The following TAF1 variants were observed in gnomAD, a reference collection of about 807,000 sequenced individuals.
TAF1 encodes TATA-box binding protein associated factor 1.
TAF1 carries 2 observed loss-of-function variants against 138.5 expected under a neutral mutation model. The ratio of observed to expected loss-of-function variants is 0.01; its 90% CI spans 0.01 to 0.05. The LOEUF (loss-of-function observed/expected upper bound fraction) is 0.05. TAF1 is among the 10% of genes least tolerant of loss of function. The probability of loss-of-function intolerance (pLI) is 1.00; values close to 1 mark genes in which losing one functional copy is unlikely to be tolerated. For synonymous variants in TAF1, 437 were observed against 503.2 expected (o/e 0.87, Z 1.76); for missense variants, 709 against 1,478.0 (o/e 0.48, Z 8.53).
chrX:71,447,683 C>T (rs2037758850), intron 32 of TAF1, among the ~76,000 whole-genome samples: 1 of 102,030 alleles, frequency 9.8e-6, no homozygotes, highest in South Asian at 4.6e-4. Context: ...GGTGACAGAG[C>T]GAGACACTGT....
chrX:71,472,725 C>T (rs1242815251), intron 13 of TAF1, among the ~76,000 whole-genome samples: 3 of 111,124 alleles, frequency 2.7e-5, no homozygotes, highest in African/African-American at 9.8e-5. Context: ...AGTGAGACTG[C>T]ATCTCAAAAA....
At chrX:71,396,073 C>T (rs1464769227) in intron 22 of TAF1, among the ~76,000 whole-genome samples, 1 of 107,380 alleles carries the variant, frequency 9.3e-6, no homozygotes, top group Admixed American at 1.0e-4. Context: ...CGCTTGAACC[C>T]GGGAAGCAGA....
chrX:71,379,690 C>G (rs1218933290), intron 8 of TAF1, among the ~76,000 whole-genome samples: 1 of 107,019 alleles, frequency 9.3e-6, no homozygotes, highest in Non-Finnish European at 1.9e-5. Flanking sequence ...GCAATCTCTC[C>G]CTCCTGGGCT....
intron 13 of TAF1, among the ~76,000 whole-genome samples, chrX:71,483,780 CTATATA>C (rs1556022684): frequency 2.7e-5 from 1 of 37,575 alleles, no homozygotes; most frequent in African/African-American, 1.3e-4. Context: ...CTCTCTCTCT[CTATATA>C]TATATATATA....
chrX:71,392,490 T>G, intron 18 of TAF1, 79 bp from the exon 19 acceptor site: 1 of 1,041,930 alleles, frequency 9.6e-7, no homozygotes, highest in Non-Finnish European at 1.3e-6. Context: ...TAGTTTGTAA[T>G]TATTCTACTC....
intron 13 of TAF1, among the ~76,000 whole-genome samples, chrX:71,490,519 C>T (rs1027224535): frequency 1.4e-4 from 15 of 109,993 alleles, no homozygotes; most frequent in Admixed American, 7.8e-4. Flanking sequence ...CTCCGCCTCC[C>T]GGGTTCATGC....
intron 13 of TAF1, among the ~76,000 whole-genome samples, chrX:71,483,774 C>CTA (rs1214664557): frequency 6.6e-3 from 461 of 70,229 alleles, no homozygotes; most frequent in Middle Eastern, 0.015. Context: ...CTCTCTCTCT[C>CTA]TCTCTCTATA....
intron 13 of TAF1, among the ~76,000 whole-genome samples, chrX:71,506,219 A>AAT (rs2039622328): frequency 9.3e-6 from 1 of 107,071 alleles, no homozygotes; most frequent in African/African-American, 3.4e-5. Context: ...TAAATAAATA[A>AAT]AAATAAATAA....
intron 29 of TAF1, among the ~76,000 whole-genome samples, chrX:71,421,664 A>G (rs1316064750): frequency 8.9e-6 from 1 of 112,087 alleles, no homozygotes; most frequent in Non-Finnish European, 1.9e-5. Context: ...GGCAAAGGAA[A>G]GTGAGTTTCC....
chrX:71,375,144 G>GATC, intron 3 of TAF1, 23 bp from the exon 4 acceptor site: 2 of 1,204,284 alleles, frequency 1.7e-6, no homozygotes, highest in Non-Finnish European at 2.2e-6. Flanking sequence ...ATATTGAGGA[G>GATC]ATCACCTTCT....
chrX:71,380,314 A>G (rs908031633), intron 8 of TAF1, among the ~76,000 whole-genome samples: 7 of 111,908 alleles, frequency 6.3e-5, no homozygotes, highest in Non-Finnish European at 1.3e-4. Context: ...TCGGTCTCCC[A>G]AAGTGCTGAG....
At chrX:71,389,476 A>G (rs374290444) in intron 17 of TAF1, 109 bp from the exon 18 acceptor site, 3 of 584,490 alleles carry the variant, frequency 5.1e-6, no homozygotes, top group African/African-American at 4.7e-5. Flanking sequence ...TATGGAATCC[A>G]TCTATGCAAA....
Position 71,393,224 on chromosome X carries a change from TTGTGTGTGTGTG to T in TAF1, c.3052-47_3052-36del, listed in dbSNP as rs201372159. On this transcript the variant is annotated intron_variant, in intron 20 of 37. Coordinates refer to ENST00000423759, the MANE Select transcript of TAF1 (RefSeq NM_004606.5). ...TTGTCCTTTGAAATCCCTGAATGAT[TTGTGTGTGTGTG>T]TGTGTGTGTGTGTGTGTGTGTGTGT... The T allele has an allele frequency of 2.5e-4, 236 of 955,756 alleles. 1 individual carries two copies. The East Asian group carries it at 4.1e-3, about 17-fold the overall frequency. The allele number at this position is 955,756 out of a possible 1,213,427, so 78.8% of individuals were successfully genotyped here.
intron 32 of TAF1, among the ~76,000 whole-genome samples, chrX:71,446,904 C>T (rs2037719218): frequency 9.0e-6 from 1 of 111,498 alleles, no homozygotes; most frequent in African/African-American, 3.3e-5. Context: ...TACATTTGAT[C>T]CTCATTCTAC....
intron 25 of TAF1, among the ~76,000 whole-genome samples, chrX:71,405,164 A>G (rs1401494637): frequency 2.7e-5 from 3 of 109,181 alleles, no homozygotes; most frequent in African/African-American, 6.7e-5. Context: ...TCACCAGGTT[A>G]CCCAGGCTGG....
chrX:71,524,019 CTTTTTTTTTTT>C (rs397895424), intron 13 of TAF1, among the ~76,000 whole-genome samples: 1 of 76,376 alleles, frequency 1.3e-5, no homozygotes, highest in Non-Finnish European at 2.6e-5. Context: ...TGTAATAGTT[CTTTTTTTTTTT>C]TTTTTTTTTT....
At chrX:71,389,003 T>A (rs1198880070) in intron 17 of TAF1, 135 bp downstream of exon 17, 3 of 742,680 alleles carry the variant, frequency 4.0e-6, no homozygotes, top group African/African-American at 2.1e-5. Context: ...TATTACCAAT[T>A]ACTAAAAAGT....
intron 13 of TAF1, among the ~76,000 whole-genome samples, chrX:71,511,904 T>C (rs1158278613): frequency 1.8e-5 from 2 of 109,708 alleles, no homozygotes; most frequent in African/African-American, 3.3e-5. Flanking sequence ...TAGTCTCAGC[T>C]ACTCAGGAGG....
rs2034729253 is a variant in TAF1, at chrX:71,394,329, G to C, written c.3406+84G>C. On this transcript the variant is annotated intron_variant, in intron 22 of 37. Coordinates refer to ENST00000423759, the MANE Select transcript of TAF1 (RefSeq NM_004606.5). ...GTAACTGCAGACTGTAATTGAGGGA[G>C]ATCTGGAGGCAGAAGATGTAAGGGA... 3 of 1,051,143 alleles carry C rather than the reference G, an allele frequency of 2.9e-6. No individual in the cohort carries two copies. In the East Asian group the frequency reaches 9.3e-5, roughly 33 times the overall value. 86.6% of individuals were successfully genotyped at this position (1,051,143 alleles called of 1,213,427 possible). A position where few individuals can be genotyped will look rare whatever the true frequency, so the allele number is the denominator to read the frequency against.
Sources: gnomAD v4.1 joint callset for allele counts (sites outside exome capture counted in the v4.1 genomes callset) on GRCh38, gnomAD v4.1.1 for gene constraint, MANE v1.5 for transcripts, NCBI Gene and HGNC (gene_info 2026-07-23, HGNC 2026-07-21) for gene names.